Variants in TENM3 observed in about 807,000 individuals in gnomAD.
TENM3 encodes teneurin-3.
TENM3 carries 63 observed loss-of-function variants against 255.1 expected under a neutral mutation model. That is an observed-to-expected ratio of 0.25 (90% CI 0.20 to 0.30). The LOEUF (loss-of-function observed/expected upper bound fraction) is 0.30, where lower values mean the gene tolerates loss of function less well. Among genes scored for constraint, TENM3 ranks in the 10% least tolerant of loss-of-function variants. The pLI, the probability that TENM3 is intolerant of heterozygous loss-of-function variation, is 1.00. For synonymous variants in TENM3, 1,306 were observed against 1,322.3 expected (o/e 0.99, Z 0.27); for missense variants, 2,929 against 3,461.1 (o/e 0.85, Z 3.86).
chr4:181,883,567 C>A, the TENM3 span, among the ~76,000 whole-genome samples: 1 of 152,044 alleles, frequency 6.6e-6, no homozygotes, highest in African/African-American at 2.4e-5. Context: ...CTCCGCCTCC[C>A]AGGTTCACGC....
chr4:182,205,602 C>T (rs2149853402), intron 1 of TENM3, among the ~76,000 whole-genome samples: 1 of 152,402 alleles, frequency 6.6e-6, no homozygotes, highest in Admixed American at 6.5e-5. Flanking sequence ...AATCACCGCG[C>T]CACATCTGGC....
chr4:182,066,365 TACTC>T, the TENM3 span, among the ~76,000 whole-genome samples: 2 of 152,054 alleles, frequency 1.3e-5, no homozygotes, highest in African/African-American at 4.8e-5. Context: ...GCAAAGAAAA[TACTC>T]AGTCTGTAAA....
chr4:182,323,271 G>A (rs1055862729), intron 1 of TENM3, among the ~76,000 whole-genome samples: 2 of 152,028 alleles, frequency 1.3e-5, no homozygotes, highest in Non-Finnish European at 2.9e-5. Flanking sequence ...CACGATTTGC[G>A]CTGATTAAAT....
intron 24 of TENM3, among the ~76,000 whole-genome samples, chr4:182,785,514 C>T (rs925895278): frequency 6.6e-6 from 1 of 151,442 alleles, no homozygotes; most frequent in Non-Finnish European, 1.5e-5. Context: ...TTGAGACCAG[C>T]CAGGGCAACA....
At chr4:182,696,597 C>CAT (rs1561123796) in intron 12 of TENM3, among the ~76,000 whole-genome samples, 4 of 151,934 alleles carry the variant, frequency 2.6e-5, no homozygotes, top group Admixed American at 2.6e-4. Context: ...TGGTGGTGCA[C>CAT]GCCTGTAATC....
intron 3 of TENM3, among the ~76,000 whole-genome samples, chr4:182,593,616 C>G (rs910206287): frequency 5.9e-5 from 9 of 152,134 alleles, no homozygotes; most frequent in African/African-American, 2.2e-4. Context: ...GGAAGGAGAA[C>G]AGGGTGAAGG....
chr4:182,536,211 C>G (rs1428948993), intron 3 of TENM3, among the ~76,000 whole-genome samples: 1 of 152,184 alleles, frequency 6.6e-6, no homozygotes, highest in Non-Finnish European at 1.5e-5. Context: ...TTGTAACTTG[C>G]AATTATGTTG....
In TENM3 at chr4:182,627,996, C is replaced by G. The variant is rs546795171; in HGVS notation, c.750-655C>G. ...TAGAAGATGTTCCATGATTCCTTCC[C>G]TGTCCCTACCCCCAGCAGGTTCACA... is the stretch of plus-strand genomic sequence containing the variant. On this transcript the variant is annotated intron_variant, in intron 4 of 27. Coordinates refer to ENST00000511685, the MANE Select transcript of TENM3 (RefSeq NM_001080477.4). Among the ~76,000 whole-genome samples, 9 of 152,230 alleles carry G rather than the reference C, an allele frequency of 5.9e-5. No homozygotes were observed. In the Middle Eastern group the frequency reaches 0.01, roughly 173 times the overall value.
chr4:182,706,616 A>G (rs1168675726), intron 12 of TENM3, among the ~76,000 whole-genome samples: 1 of 152,178 alleles, frequency 6.6e-6, no homozygotes, highest in East Asian at 1.9e-4. Flanking sequence ...CCAAAAGTAC[A>G]TTTGGTCATT....
At chr4:181,846,087 TC>T in the TENM3 span, among the ~76,000 whole-genome samples, 1 of 152,212 alleles carries the variant, frequency 6.6e-6, no homozygotes, top group Admixed American at 6.5e-5. Flanking sequence ...GAAGTCATTT[TC>T]CTACATGGTT....
At chr4:181,957,956 A>G in the TENM3 span, among the ~76,000 whole-genome samples, 1 of 152,184 alleles carries the variant, frequency 6.6e-6, no homozygotes, top group Non-Finnish European at 1.5e-5. Flanking sequence ...TTTGGGTATT[A>G]TAATGTCATT....
the TENM3 span, among the ~76,000 whole-genome samples, chr4:181,484,616 C>T: frequency 6.6e-6 from 1 of 152,112 alleles, no homozygotes; most frequent in Admixed American, 6.6e-5. Context: ...AAAACTTAAC[C>T]TTACAGTAAG....
chr4:182,540,250 G>A (rs1248707804), intron 3 of TENM3, among the ~76,000 whole-genome samples: 1 of 152,142 alleles, frequency 6.6e-6, no homozygotes, highest in East Asian at 1.9e-4. Flanking sequence ...ATGTTGTATA[G>A]AAAAACAAGA....
At chr4:182,100,650 C>CACACAT in the TENM3 span, among the ~76,000 whole-genome samples, 10 of 35,566 alleles carry the variant, frequency 2.8e-4, no homozygotes, top group South Asian at 9.5e-4. Context: ...TATATATACA[C>CACACAT]ATATATACAC....
At chr4:182,333,119 A>T (rs1338486945) in intron 2 of TENM3, among the ~76,000 whole-genome samples, 1 of 152,184 alleles carries the variant, frequency 6.6e-6, no homozygotes, top group Non-Finnish European at 1.5e-5. Context: ...ATTTTGCATA[A>T]CCTTCAAAGT....
At chr4:181,927,157 A>G in the TENM3 span, among the ~76,000 whole-genome samples, 4 of 152,170 alleles carry the variant, frequency 2.6e-5, no homozygotes, top group South Asian at 8.3e-4. Context: ...TGCAAGCGAG[A>G]CGGAACCGTT....
chr4:181,813,246 G>A, the TENM3 span, among the ~76,000 whole-genome samples: 1 of 152,040 alleles, frequency 6.6e-6, no homozygotes, highest in Non-Finnish European at 1.5e-5. Flanking sequence ...TGTGGGGAGG[G>A]GTGGCACAGA....
intron 1 of TENM3, among the ~76,000 whole-genome samples, chr4:182,199,555 C>G (rs1754048513): frequency 6.6e-6 from 1 of 151,876 alleles, no homozygotes; most frequent in Non-Finnish European, 1.5e-5. Context: ...GAAAATCGAC[C>G]CATGAAAAAG....
the TENM3 span, among the ~76,000 whole-genome samples, chr4:181,979,115 TATA>T: frequency 2.8e-5 from 2 of 71,204 alleles, no homozygotes; most frequent in Non-Finnish European, 5.6e-5. Context: ...TATATATATA[TATA>T]TATATATATA....
Sources: gnomAD v4.1 joint callset for allele counts (sites outside exome capture counted in the v4.1 genomes callset) on GRCh38, gnomAD v4.1.1 for gene constraint, MANE v1.5 for transcripts, NCBI Gene and HGNC (gene_info 2026-07-23, HGNC 2026-07-21) for gene names.